Variants in UNC119 observed in about 807,000 individuals in gnomAD.
UNC119 encodes protein unc-119 homolog A.
Under a neutral mutation model 22.6 loss-of-function variants are expected in UNC119, and 15 were observed. The observed-to-expected ratio is 0.66, with a 90% confidence interval of 0.44 to 1.02. The LOEUF (loss-of-function observed/expected upper bound fraction) is 1.02. Among genes scored for constraint, UNC119 ranks in the 50% least tolerant of loss-of-function variants. The probability of loss-of-function intolerance (pLI) is 0.00; values close to 1 mark genes in which losing one functional copy is unlikely to be tolerated. For synonymous variants in UNC119, 138 were observed against 139.4 expected (o/e 0.99, Z 0.07); for missense variants, 322 against 336.0 (o/e 0.96, Z 0.33).
Position 28,547,305 on chromosome 17 carries a change from T to TC in UNC119, c.714dup (p.Thr239AspfsTer9), listed in dbSNP as rs1259727952. On this transcript the variant is annotated frameshift_variant, in exon 5 of 5. Transcript: ENST00000335765. LOFTEE classifies it high-confidence loss of function. ...TCAGGGCAGCCGTGGGGTCAGGGTG[T>TC]CCCGCTGTAGGAATAGTCTGCTTTA... The TC allele has an allele frequency of 6.2e-7, 1 of 1,614,034 alleles. No individual in the cohort carries two copies. The highest frequency in any genetic ancestry group is 2.2e-5 in the East Asian group (1 of 44,876).
rs867150502 is a variant in UNC119, at chr17:28,547,688, G to A, written c.599C>T (p.Ser200Phe). 3 of 1,614,194 alleles carry A rather than the reference G, an allele frequency of 1.9e-6. No homozygotes were observed. ...CEHIYDFPPL[S>F]EELISEMIRH... ...CCCTGCCCGCGCACTCAGCTCCTCG[G>A]AGAGAGGGGGGAAGTCGTAAATGTG... Residue 200 changes from serine (S) to phenylalanine (F), a missense_variant, in exon 4 of 5, where the codon TCC becomes TTC. By Grantham distance (155) the Ser-to-Phe change is radical. Transcript: ENST00000335765.
chr17:28,548,929 C>G, intron 1 of UNC119: 1 of 511,224 alleles, frequency 2.0e-6, no homozygotes, highest in Non-Finnish European at 3.6e-6. Flanking sequence ...TCCTACTGGT[C>G]TCTGGGGGCC....
rs780859514 is a variant in UNC119 at position 28,548,035 on chromosome 17, G to A, written c.401C>T (p.Thr134Met). 39 of 1,613,758 alleles carry A rather than the reference G, an allele frequency of 2.4e-5. No individual in the cohort carries two copies. Among genetic ancestry groups the A allele is most frequent in the African/African-American group, 6.7e-5 (5 of 74,934 alleles). ...CTGCCTCAGGCGGAGGAAGGCAGGC[G>A]TGAACTGGTAGCGGACAAAGCGCCC... ...NAGRFVRYQF[T>M]PAFLRLRQVG... Residue 134 changes from threonine (T) to methionine (M), a missense_variant, in exon 3 of 5, where the codon ACG becomes ATG. Coordinates refer to ENST00000335765, the MANE Select transcript of UNC119 (RefSeq NM_005148.4).
chr17:28,552,200 A>G lies in UNC119; in HGVS notation c.220+138T>C, dbSNP rs920836395. The G allele has an allele frequency of 9.5e-6, 7 of 733,950 alleles. No individual in the cohort carries two copies. In the Admixed American group the frequency reaches 1.1e-4, roughly 12 times the overall value. 45.5% of individuals were successfully genotyped at this position (733,950 alleles called of 1,614,324 possible). A position where few individuals can be genotyped will look rare whatever the true frequency, so the allele number is the denominator to read the frequency against. On this transcript the variant is annotated intron_variant, in intron 1 of 4. Transcript: ENST00000335765. Reference sequence around the variant, plus strand: ...CAGACCTGGCGGCAGAAGGGAGAGCAGGGGACACAGGAGAGGGGACTCGGT... The same window carrying G: ...CAGACCTGGCGGCAGAAGGGAGAGCGGGGGACACAGGAGAGGGGACTCGGT...
intron 1 of UNC119, 102 bp from the exon 2 acceptor site, chr17:28,548,807 G>A (rs1449065370): frequency 1.1e-6 from 1 of 890,412 alleles, no homozygotes; most frequent in Non-Finnish European, 1.8e-6. Flanking sequence ...CTCATCCCTG[G>A]GATCACTGCC....
chr17:28,548,450 GC>G (rs572491944), intron 2 of UNC119, 141 bp downstream of exon 2: 34 of 693,548 alleles, frequency 4.9e-5, no homozygotes, highest in East Asian at 3.7e-4. Context: ...AAAAGAAAGG[GC>G]CCCCCTGCCT....
At position 28,552,480 on chromosome 17, in the gene UNC119, G is replaced by A; in HGVS notation, c.78C>T (p.Ala26=). Residue 26 remains alanine, a synonymous_variant, in exon 1 of 5, where the codon GCC becomes GCT. Transcript: ENST00000335765. Reference sequence around the variant, plus strand: ...ATTCCGCAGGCGGCTGTGGTATGGGGGCCACGCTCTGGCCCGAGGGCCCCG... The same window carrying A: ...ATTCCGCAGGCGGCTGTGGTATGGGAGCCACGCTCTGGCCCGAGGGCCCCG... ...SAPGPSGQSV[A]PIPQPPAESE... 2 of 1,577,654 alleles carry A rather than the reference G, an allele frequency of 1.3e-6. No homozygotes were observed. The highest frequency in any genetic ancestry group is 1.7e-6 in the Non-Finnish European group (2 of 1,170,800).
Position 28,552,616 on chromosome 17 carries a change from C to T in UNC119, c.-59G>A. ...CGCCGCTGCCTGCGCCGGCTGGAGCCGGGGGAAGTGGGAGCATCCGCAGCC... is the reference window on the plus strand; with the variant it reads ...CGCCGCTGCCTGCGCCGGCTGGAGCTGGGGGAAGTGGGAGCATCCGCAGCC... On this transcript the variant is annotated 5_prime_UTR_variant, in exon 1 of 5. Coordinates refer to ENST00000335765, the MANE Select transcript of UNC119 (RefSeq NM_005148.4). 4 of 1,433,968 alleles carry T rather than the reference C, an allele frequency of 2.8e-6. No homozygotes were observed. The highest frequency in any genetic ancestry group is 2.8e-6 in the Non-Finnish European group (3 of 1,090,150). The allele number at this position is 1,433,968 out of a possible 1,614,324, so 88.8% of individuals were successfully genotyped here.
Position 28,546,908 on chromosome 17 carries a change from C to T in UNC119, c.*389G>A, listed in dbSNP as rs2070209488. ...ACCGTGGATCTTTGTAAATTTACAA[C>T]TCTAAATGGCCTGAAGGTAGTGGGC... On this transcript the variant is annotated 3_prime_UTR_variant, in exon 5 of 5. Coordinates refer to ENST00000335765, the MANE Select transcript of UNC119 (RefSeq NM_005148.4). 1 of 319,822 alleles carries T rather than the reference C, an allele frequency of 3.1e-6. No individual in the cohort carries two copies. The highest frequency in any genetic ancestry group is 2.2e-5 in the African/African-American group (1 of 46,342). The allele number at this position is 319,822 out of a possible 1,614,324, so 19.8% of individuals were successfully genotyped here.
At chr17:28,548,834 C>A in intron 1 of UNC119, 129 bp from the exon 2 acceptor site, 5 of 701,930 alleles carry the variant, frequency 7.1e-6, no homozygotes, top group Non-Finnish European at 7.4e-6. Flanking sequence ...AAAGAGGGAC[C>A]TCAGTCCCTG....
At position 28,547,778 on chromosome 17, in the gene UNC119, T is replaced by C. The variant is rs561712812; in HGVS notation, c.509A>G (p.Gln170Arg). 26 of 1,614,074 alleles carry C rather than the reference T, an allele frequency of 1.6e-5. No individual in the cohort carries two copies. In the South Asian group the frequency reaches 2.2e-4, roughly 14 times the overall value. ...RMIERHYFRN[Q>R]LLKSFDFHFG... is the part of the protein sequence containing the mutation. Reference sequence around the variant, plus strand: ...GTGGAAGTCGAAGCTTTTGAGTAGCTGGTTGCGGAAGTAGTGCCTCTCGAT... The same window carrying C: ...GTGGAAGTCGAAGCTTTTGAGTAGCCGGTTGCGGAAGTAGTGCCTCTCGAT... The change falls in exon 4 of 5, where the codon CAG (glutamine) becomes CGG (arginine). Residue 170 changes from glutamine to arginine, a missense_variant. Physicochemically the swap from Gln to Arg is conservative, Grantham distance 43. Transcript: ENST00000335765.
chr17:28,548,185 T>A, intron 2 of UNC119, 84 bp from the exon 3 acceptor site: 3 of 1,408,168 alleles, frequency 2.1e-6, no homozygotes, highest in Non-Finnish European at 2.9e-6. Flanking sequence ...TCCCCATCTA[T>A]CTGATTTTTT....
intron 2 of UNC119, chr17:28,548,308 G>A: frequency 3.2e-6 from 2 of 627,438 alleles, no homozygotes; most frequent in South Asian, 4.0e-5. Context: ...GCTTCCCCGG[G>A]CCACAGGATG....
chr17:28,551,848 A>G (rs1597579983), intron 1 of UNC119: 2 of 230,528 alleles, frequency 8.7e-6, no homozygotes, highest in East Asian at 3.1e-4. Flanking sequence ...AAATGGCCCA[A>G]GTCTTCCTGG....
intron 2 of UNC119, 32 bp downstream of exon 2, chr17:28,548,560 C>T (rs202197098): frequency 6.3e-7 from 1 of 1,583,118 alleles, no homozygotes; most frequent in Admixed American, 1.7e-5. Flanking sequence ...TCCTATCTGC[C>T]TCCCCATCAA....
At chr17:28,547,485 G>A in intron 4 of UNC119, 76 bp from the exon 5 acceptor site, 4 of 1,598,774 alleles carry the variant, frequency 2.5e-6, no homozygotes, top group Non-Finnish European at 3.4e-6. Flanking sequence ...TCAGGACTGG[G>A]GTACAGGGAC....
At chr17:28,552,250 G>GCGGGGGCCAGGGCTTGGCGCGC in intron 1 of UNC119, 88 bp downstream of exon 1, 1 of 1,251,436 alleles carries the variant, frequency 8.0e-7, no homozygotes, top group Admixed American at 2.3e-5. Context: ...GGGAAAGGGG[G>GCGGGGGCCAGGGCTTGGCGCGC]CGGGGGCCAG....
At chr17:28,548,877 A>G in intron 1 of UNC119, 172 bp from the exon 2 acceptor site, 1 of 590,838 alleles carries the variant, frequency 1.7e-6, no homozygotes, top group Non-Finnish European at 3.0e-6. Context: ...TGGAAGAGAC[A>G]TAACTCCGCC....
At chr17:28,547,522 C>T (rs916819190) in intron 4 of UNC119, 113 bp from the exon 5 acceptor site, 19 of 1,584,506 alleles carry the variant, frequency 1.2e-5, no homozygotes, top group Non-Finnish European at 1.6e-5. Context: ...ATATCCCCAG[C>T]CTCTTTCTCT....
Sources: gnomAD v4.1 joint callset for allele counts on GRCh38, gnomAD v4.1.1 for gene constraint, MANE v1.5 for transcripts, NCBI Gene and HGNC (gene_info 2026-07-23, HGNC 2026-07-21) for gene names.